The following KDR variants were observed in gnomAD, a reference collection of about 807,000 sequenced individuals.
KDR encodes the protein vascular endothelial growth factor receptor 2.
A neutral mutation model predicts 160.9 loss-of-function variants in KDR; 43 were observed. The observed-to-expected ratio is 0.27, with a 90% confidence interval of 0.21 to 0.34. KDR has a LOEUF of 0.34. Ranked by LOEUF, KDR falls within the 10% of genes least tolerant of loss-of-function variation. The pLI is 1.00. For synonymous variants in KDR, 617 were observed against 600.1 expected (o/e 1.03, Z -0.41); for missense variants, 1,469 against 1,666.4 (o/e 0.88, Z 2.06).
chr4:55,100,449 T>C (rs1167382861), intron 15 of KDR, among the ~76,000 whole-genome samples: 1 of 152,214 alleles, frequency 6.6e-6, no homozygotes, highest in Non-Finnish European at 1.5e-5. Context: ...AATATCTAGC[T>C]CTGCCTTTCT....
chr4:55,106,315 T>C (rs1036183012), intron 11 of KDR, among the ~76,000 whole-genome samples: 3 of 152,148 alleles, frequency 2.0e-5, no homozygotes, highest in African/African-American at 7.2e-5. Flanking sequence ...GTTTGGGATA[T>C]TTACTCAATT....
At chr4:55,095,116 C>G (rs1235448307) in intron 20 of KDR, among the ~76,000 whole-genome samples, 161 bp from the exon 21 acceptor site, 2 of 152,174 alleles carry the variant, frequency 1.3e-5, no homozygotes, top group African/African-American at 4.8e-5. Context: ...TGAGCTGAAA[C>G]TTGGGGCAAG....
At chr4:55,091,642 T>G (rs572332010) in intron 22 of KDR, among the ~76,000 whole-genome samples, 9 of 152,322 alleles carry the variant, frequency 5.9e-5, no homozygotes, top group Admixed American at 5.9e-4. Flanking sequence ...AGGCCTTTAA[T>G]GCTATGAGAA....
intron 7 of KDR, 80 bp downstream of exon 7, chr4:55,113,224 A>G: frequency 7.0e-7 from 1 of 1,420,006 alleles, no homozygotes; most frequent in Non-Finnish European, 1.0e-6. Flanking sequence ...TGAACAAAAT[A>G]GGAATCACTA....
chr4:55,087,832 CACAGGGACTTCTTGGCT>C, intron 26 of KDR, 74 bp from the exon 27 acceptor site: 1 of 1,429,396 alleles, frequency 7.0e-7, no homozygotes, highest in South Asian at 1.1e-5. Context: ...AAACAAAGGG[CACAGGGACTTCTTGGCT>C]ACATAGGGTG....
At chr4:55,090,205 T>C (rs1432846578) in intron 22 of KDR, 127 bp from the exon 23 acceptor site, 2 of 1,050,832 alleles carry the variant, frequency 1.9e-6, no homozygotes, top group African/African-American at 1.6e-5. Context: ...ACTGGGTTAG[T>C]ATCTTTTATC....
At position 55,125,343 on chromosome 4, in the gene KDR, T is replaced by G. The variant is rs114484350; in HGVS notation, c.-50A>C. The G allele has an allele frequency of 6.4e-7, 1 of 1,569,662 alleles. No homozygotes were observed. The highest frequency in any genetic ancestry group is 2.3e-5 in the East Asian group (1 of 43,368). Reference sequence around the variant, plus strand: ...GCCCAGAACTCGGGAGCCGGTTCTTTCTCCCAGCGCCTGTCTAGAGAAGGA... The same window carrying G: ...GCCCAGAACTCGGGAGCCGGTTCTTGCTCCCAGCGCCTGTCTAGAGAAGGA... On this transcript the variant is annotated 5_prime_UTR_variant, in exon 1 of 30. Coordinates refer to ENST00000263923, the MANE Select transcript of KDR (RefSeq NM_002253.4).
chr4:55,111,562 C>A (rs1397960268), intron 7 of KDR, among the ~76,000 whole-genome samples: 1 of 152,308 alleles, frequency 6.6e-6, no homozygotes, highest in Non-Finnish European at 1.5e-5. Flanking sequence ...TCAACTCTCA[C>A]TTGGATAACT....
intron 22 of KDR, 49 bp downstream of exon 22, chr4:55,092,568 C>T (rs2110013448): frequency 7.4e-7 from 1 of 1,352,808 alleles, no homozygotes; most frequent in Non-Finnish European, 1.1e-6. Flanking sequence ...ATCTTATTTC[C>T]AAACCTGTGA....
rs1408509179 is a variant in KDR at position 55,082,617 on chromosome 4, A to G, written c.3681T>C (p.Ser1227=). 1.9e-6 allele frequency: 3 copies of G among 1,613,704 alleles called. No homozygotes were observed. Among genetic ancestry groups the G allele is most frequent in the African/African-American group, 2.7e-5 (2 of 74,938 alleles). Residue 1227 remains serine, a synonymous_variant, in exon 28 of 30, where the codon AGT becomes AGC. Coordinates refer to ENST00000263923, the MANE Select transcript of KDR (RefSeq NM_002253.4). ...TAGISQYLQN[S]KRKSRPVSVK... ...CACTCACAGGCCGGCTCTTTCGCTTACTGTTCTGCAGATACTGACTGCAAA... is the reference window on the plus strand; with the variant it reads ...CACTCACAGGCCGGCTCTTTCGCTTGCTGTTCTGCAGATACTGACTGCAAA...
In KDR at chr4:55,109,990, A is replaced by G. The variant is rs182054119; in HGVS notation, c.1255+413T>C. 6.4e-4 allele frequency among the ~76,000 whole-genome samples: 98 copies of G among 152,306 alleles called. 1 individual carries two copies. Among genetic ancestry groups the G allele is most frequent in the African/African-American group, 2.3e-3 (97 of 41,572 alleles). ...GAACGTGCCTGCACATCTCTGATAC[A>G]TCAACTACAACATCAAACTAGAAGC... On this transcript the variant is annotated intron_variant, in intron 9 of 29. Transcript: ENST00000263923.
Position 55,105,882 on chromosome 4 carries a change from G to T in KDR, c.1595C>A (p.Ala532Glu). Residue 532 changes from alanine to glutamate, a missense_variant, in exon 12 of 30, where the codon GCG (alanine) becomes GAG (glutamate). Around this residue, in one of 7 missense-constraint regions of KDR, gnomAD observed 792 missense variants for 840.9 expected, o/e 0.94. Transcript: ENST00000263923. Reference protein sequence around the residue: ...ANVSALYKCEAVNKVGRGERV... With the variant: ...ANVSALYKCEEVNKVGRGERV... Reference sequence around the variant, plus strand: ...CTCTCCTCTCCCGACTTTGTTGACCGCTTCACATTTGTACAAAGCTGACAC... The same window carrying T: ...CTCTCCTCTCCCGACTTTGTTGACCTCTTCACATTTGTACAAAGCTGACAC... The T allele has an allele frequency of 6.2e-7, 1 of 1,613,400 alleles. No homozygotes were observed.
intron 29 of KDR, among the ~76,000 whole-genome samples, chr4:55,080,572 A>T (rs993099005): frequency 1.6e-4 from 25 of 152,312 alleles, no homozygotes; most frequent in Admixed American, 1.6e-3. Context: ...TGCTTTTCCT[A>T]TTGTGGCAAT....
chr4:55,107,657 T>G, intron 10 of KDR, 80 bp downstream of exon 10: 1 of 1,585,168 alleles, frequency 6.3e-7, no homozygotes, highest in Non-Finnish European at 8.7e-7. Context: ...GGCTTCTCCA[T>G]TTAGGATGGA....
chr4:55,125,527 T>G lies in KDR; in HGVS notation c.-234A>C. ...CGGACTTTCTGCGGCGCGCAAGTGA[T>G]GCCCGGCGCAGGCAGAGGAAACGCA... On this transcript the variant is annotated 5_prime_UTR_variant, in exon 1 of 30. Transcript: ENST00000263923. 1.7e-6 allele frequency: 1 copy of G among 603,036 alleles called. No homozygotes were observed. 37.4% of individuals were successfully genotyped at this position (603,036 alleles called of 1,614,324 possible). A position where few individuals can be genotyped will look rare whatever the true frequency, so the allele number is the denominator to read the frequency against.
intron 3 of KDR, 36 bp from the exon 4 acceptor site, chr4:55,115,447 G>A (rs2110032142): frequency 8.9e-6 from 10 of 1,128,608 alleles, no homozygotes; most frequent in Non-Finnish European, 1.3e-5. Context: ...TGAGTTAATA[G>A]TATTTACTAG....
At position 55,114,898 on chromosome 4, in the gene KDR, T is replaced by C. The variant is rs1720694155; in HGVS notation, c.634A>G (p.Ile212Val). ...CCTACAACGACAACTATGTACATAA[T>C]AGACTGGTAACTTTCATCATTAATT... ...AKINDESYQS[I>V]MYIVVVVGYR... The change falls in exon 5 of 30, where the codon ATT becomes GTT. Residue 212 changes from isoleucine (I) to valine (V), a missense_variant. Physicochemically the swap from Ile to Val is conservative, Grantham distance 29. Coordinates refer to ENST00000263923, the MANE Select transcript of KDR (RefSeq NM_002253.4). 6 of 1,613,590 alleles carry C rather than the reference T, an allele frequency of 3.7e-6. No individual in the cohort carries two copies. Among genetic ancestry groups the C allele is most frequent in the Non-Finnish European group, 5.1e-6 (6 of 1,179,656 alleles).
chr4:55,125,413 G>C lies in KDR; in HGVS notation c.-120C>G. 7.7e-7 allele frequency: 1 copy of C among 1,293,402 alleles called. No individual in the cohort carries two copies. The highest frequency in any genetic ancestry group is 1.1e-6 in the Non-Finnish European group (1 of 925,766). The allele number at this position is 1,293,402 out of a possible 1,614,324, so 80.1% of individuals were successfully genotyped here. ...CGGCACCCCGCAGCGCAGGACAGTTGAGCGCACAGGGCTAGGGAGCCCGGG... is the reference window on the plus strand; with the variant it reads ...CGGCACCCCGCAGCGCAGGACAGTTCAGCGCACAGGGCTAGGGAGCCCGGG... On this transcript the variant is annotated 5_prime_UTR_variant, in exon 1 of 30. It introduces an in-frame stop codon into an upstream open reading frame of the 5' UTR. Transcript: ENST00000263923.
intron 2 of KDR, among the ~76,000 whole-genome samples, chr4:55,120,424 T>G (rs1720841494): frequency 1.3e-5 from 2 of 152,098 alleles, no homozygotes; most frequent in South Asian, 2.1e-4. Context: ...AAGGCAAAAT[T>G]TAAAGGCCTC....
Sources: gnomAD v4.1 joint callset for allele counts (sites outside exome capture counted in the v4.1 genomes callset) on GRCh38, gnomAD v4.1.1 for gene constraint, gnomAD v4.1.1 regional missense constraint, MANE v1.5 for transcripts, NCBI Gene and HGNC (gene_info 2026-07-23, HGNC 2026-07-21) for gene names.